The following LYRM4 variants were observed in gnomAD, a reference collection of about 807,000 sequenced individuals.
LYRM4 encodes the protein LYR motif-containing protein 4.
LYRM4 carries 9 observed loss-of-function variants against 11.7 expected under a neutral mutation model. That is an observed-to-expected ratio of 0.77 (90% confidence interval 0.46 to 1.34). The LOEUF (loss-of-function observed/expected upper bound fraction) is 1.34, where lower values mean the gene tolerates loss of function less well. LYRM4 is among the 40% of genes most tolerant of loss of function. The pLI, the probability that LYRM4 is intolerant of heterozygous loss-of-function variation, is 0.00. For missense variants in LYRM4, 133 were observed against 112.5 expected, an observed-to-expected ratio of 1.18 and a Z score of -0.82; for synonymous variants, 42 against 40.4, an observed-to-expected ratio of 1.04 and a Z score of -0.15.
At chr6:5,218,363 C>T (rs554427824) in intron 1 of LYRM4, 10 of 984,992 alleles carry the variant, frequency 1.0e-5, no homozygotes, top group Middle Eastern at 5.2e-4. Flanking sequence ...GGGAGCAGCG[C>T]GGAGGGGGTG....
intron 2 of LYRM4, among the ~76,000 whole-genome samples, chr6:5,165,830 A>G (rs1312708952): frequency 6.6e-6 from 1 of 152,118 alleles, no homozygotes; most frequent in East Asian, 1.9e-4. Context: ...GGCGTGAGCC[A>G]CCGCGCCCGG....
At chr6:5,237,736 C>G (rs1175367364) in intron 1 of LYRM4, among the ~76,000 whole-genome samples, 1 of 152,118 alleles carries the variant, frequency 6.6e-6, no homozygotes, top group African/African-American at 2.4e-5. Context: ...GTTGGATGTG[C>G]CAAGGACCTG....
At chr6:5,154,616 A>G (rs960698361) in intron 2 of LYRM4, among the ~76,000 whole-genome samples, 6 of 152,152 alleles carry the variant, frequency 3.9e-5, no homozygotes, top group Non-Finnish European at 8.8e-5. Flanking sequence ...GGAGATCGAG[A>G]CCATCCTGAC....
chr6:5,066,521 T>G, the LYRM4 span: 1 of 799,740 alleles, frequency 1.3e-6, no homozygotes, highest in Non-Finnish European at 2.3e-6. Flanking sequence ...TTCTAGGATC[T>G]ATTTTAAAGA....
At chr6:5,046,992 G>A in the LYRM4 span, among the ~76,000 whole-genome samples, 1 of 152,142 alleles carries the variant, frequency 6.6e-6, no homozygotes, top group African/African-American at 2.4e-5. Context: ...TTGGGAGGCT[G>A]CGGTGGGAGA....
At position 5,232,727 on chromosome 6, in the gene LYRM4, T is replaced by C. The variant is rs548878382; in HGVS notation, c.87-15989A>G. ...CCTCAGGGATCAGAAATCTGCAACATGCTTTCATTTTGAGTTGCATGAAAC... is the reference window on the plus strand; with the variant it reads ...CCTCAGGGATCAGAAATCTGCAACACGCTTTCATTTTGAGTTGCATGAAAC... On this transcript the variant is annotated intron_variant, in intron 1 of 2. Coordinates refer to ENST00000330636, the MANE Select transcript of LYRM4 (RefSeq NM_020408.6). Among the ~76,000 whole-genome samples the C allele has an allele frequency of 6.6e-5, 10 of 152,354 alleles. 1 individual carries two copies. Among genetic ancestry groups the C allele is most frequent in the Middle Eastern group, 3.4e-3 (1 of 294 alleles).
rs17139834 is a variant in LYRM4, at chr6:5,229,700, C to T, written c.87-12962G>A. 6.3e-3 allele frequency among the ~76,000 whole-genome samples: 963 copies of T among 152,052 alleles called. 4 individuals are homozygous for T. The highest frequency in any genetic ancestry group is 0.022 in the African/African-American group (909 of 41,484). On this transcript the variant is annotated intron_variant, in intron 1 of 2. Transcript: ENST00000330636. Reference sequence around the variant, plus strand: ...TTGAGATAAATATGAAATTTATGTGCAAAAAAAGTATATTCAAAACAATAT... The same window carrying T: ...TTGAGATAAATATGAAATTTATGTGTAAAAAAAGTATATTCAAAACAATAT...
At chr6:5,072,018 C>T in the LYRM4 span, among the ~76,000 whole-genome samples, 1 of 152,132 alleles carries the variant, frequency 6.6e-6, no homozygotes, top group Non-Finnish European at 1.5e-5. Flanking sequence ...GTGTTTTTCC[C>T]CACCATGTGC....
intron 2 of LYRM4, among the ~76,000 whole-genome samples, chr6:5,215,258 A>C (rs1762211359): frequency 6.6e-6 from 1 of 152,230 alleles, no homozygotes; most frequent in East Asian, 1.9e-4. Context: ...GAGTTTATGC[A>C]AAGTAAGAAC....
At chr6:5,252,178 T>A (rs539822290) in intron 1 of LYRM4, among the ~76,000 whole-genome samples, 5 of 152,326 alleles carry the variant, frequency 3.3e-5, no homozygotes, top group African/African-American at 1.2e-4. Flanking sequence ...AATAAACTTC[T>A]CCAGGTTGAT....
At chr6:5,043,240 A>AT in the LYRM4 span, 14 of 151,270 alleles carry the variant, frequency 9.3e-5, no homozygotes, top group African/African-American at 3.4e-4. Flanking sequence ...TTATTGTCCA[A>AT]TTTTTTTGAG....
At chr6:5,212,294 T>C (rs1762025338) in intron 2 of LYRM4, among the ~76,000 whole-genome samples, 1 of 152,234 alleles carries the variant, frequency 6.6e-6, no homozygotes, top group East Asian at 1.9e-4. Context: ...TCCAGAGGAG[T>C]ATCTTTATTT....
chr6:5,179,426 C>T (rs1011869145), intron 2 of LYRM4, among the ~76,000 whole-genome samples: 1 of 152,144 alleles, frequency 6.6e-6, no homozygotes, highest in African/African-American at 2.4e-5. Context: ...CTCAGTCTCC[C>T]CCAACCCCTC....
chr6:5,161,587 G>T (rs77121414), intron 2 of LYRM4, among the ~76,000 whole-genome samples: 2,050 of 152,316 alleles, frequency 0.013, 25 homozygotes, highest in Non-Finnish European at 0.021. Context: ...GAAAGCAGTT[G>T]CAAAGGGCTG....
intron 1 of LYRM4, among the ~76,000 whole-genome samples, chr6:5,234,310 T>C (rs58864351): frequency 3.5e-4 from 53 of 152,362 alleles, no homozygotes; most frequent in African/African-American, 1.2e-3. Context: ...CCCCTCGTGT[T>C]CTTATCACCC....
rs188752309 is a variant in LYRM4, at chr6:5,241,591, A to G, written c.86+19057T>C. ...TGAGACCACTGCCTCCAGTGTATTC[A>G]GTGATCAAAAGTATTGGAAGTTTCT... On this transcript the variant is annotated intron_variant, in intron 1 of 2. Coordinates refer to ENST00000330636, the MANE Select transcript of LYRM4 (RefSeq NM_020408.6). Among the ~76,000 whole-genome samples the G allele has an allele frequency of 8.3e-4, 126 of 152,312 alleles. 1 individual carries two copies. Among genetic ancestry groups the G allele is most frequent in the African/African-American group, 3.0e-3 (123 of 41,538 alleles).
chr6:5,241,801 C>G (rs950966453), intron 1 of LYRM4, among the ~76,000 whole-genome samples: 7 of 152,116 alleles, frequency 4.6e-5, no homozygotes, highest in African/African-American at 1.7e-4. Flanking sequence ...CAAAAAGTTC[C>G]TGTCCACAAG....
the LYRM4 span, among the ~76,000 whole-genome samples, chr6:5,073,320 A>G: frequency 6.6e-6 from 1 of 152,118 alleles, no homozygotes; most frequent in African/African-American, 2.4e-5. Flanking sequence ...CAGTGAGCTG[A>G]GATAGTGCTA....
intron 2 of LYRM4, among the ~76,000 whole-genome samples, chr6:5,204,268 CA>C (rs1761562081): frequency 1.3e-5 from 2 of 150,026 alleles, no homozygotes; most frequent in African/African-American, 2.4e-5. Flanking sequence ...CTTTTCTTTT[CA>C]ACTGACTCTG....
Sources: gnomAD v4.1 joint callset for allele counts (sites outside exome capture counted in the v4.1 genomes callset) on GRCh38, gnomAD v4.1.1 for gene constraint, MANE v1.5 for transcripts, NCBI Gene and HGNC (gene_info 2026-07-23, HGNC 2026-07-21) for gene names.